ARHGAP24: variants seen among roughly 807,000 people sequenced by gnomAD.
The protein encoded by ARHGAP24 is rho GTPase-activating protein 24.
Under a neutral mutation model 76.4 loss-of-function variants are expected in ARHGAP24, and 50 were observed. That is an observed-to-expected ratio of 0.65 (90% CI 0.52 to 0.83). The LOEUF (loss-of-function observed/expected upper bound fraction) is 0.83, where lower values mean the gene tolerates loss of function less well. ARHGAP24 is among the 40% of genes least tolerant of loss of function. The probability of loss-of-function intolerance (pLI) is 0.00; values close to 1 mark genes in which losing one functional copy is unlikely to be tolerated. For missense variants in ARHGAP24, 930 were observed against 914.2 expected (o/e 1.02, Z -0.22); for synonymous variants, 345 against 323.3 (o/e 1.07, Z -0.72).
intron 1 of ARHGAP24, among the ~76,000 whole-genome samples, chr4:85,568,310 C>CCG (rs1226550528): frequency 4.1e-5 from 3 of 72,942 alleles, no homozygotes; most frequent in African/African-American, 1.7e-4. Context: ...ATGTTTGTTG[C>CCG]GGGGGGGAGG....
intron 2 of ARHGAP24, among the ~76,000 whole-genome samples, chr4:85,599,535 A>C (rs1344541721): frequency 6.6e-6 from 1 of 152,136 alleles, no homozygotes. Flanking sequence ...TGATTTGTTT[A>C]CCCAGGTGAC....
rs111869004 is a variant in ARHGAP24, at chr4:85,849,887, G to A, written c.269-73761G>A. On this transcript the variant is annotated intron_variant, in intron 3 of 9. Transcript: ENST00000395184. ...GAGGATTTTTGCATCGATGTTCATC[G>A]GGGATATTGGTCTAAAATACTCTTT... 7.5e-3 allele frequency among the ~76,000 whole-genome samples: 1,146 copies of A among 152,102 alleles called. 11 individuals carry two copies. The highest frequency in any genetic ancestry group is 0.026 in the African/African-American group (1,078 of 41,482).
intron 5 of ARHGAP24, among the ~76,000 whole-genome samples, chr4:85,948,701 T>TA (rs1737425561): frequency 6.6e-6 from 1 of 152,140 alleles, no homozygotes; most frequent in Non-Finnish European, 1.5e-5. Flanking sequence ...GAAGAAATCA[T>TA]AAAAAAAGGT....
chr4:85,896,427 C>T (rs1459754829), intron 3 of ARHGAP24, among the ~76,000 whole-genome samples: 1 of 152,190 alleles, frequency 6.6e-6, no homozygotes, highest in African/African-American at 2.4e-5. Context: ...ACCTTTTCTG[C>T]AATCCCATGC....
At chr4:85,689,448 G>A (rs1257453051) in intron 2 of ARHGAP24, among the ~76,000 whole-genome samples, 1 of 152,066 alleles carries the variant, frequency 6.6e-6, no homozygotes, top group Admixed American at 6.5e-5. Flanking sequence ...ATGCAGTGGT[G>A]CAATCTCAGC....
chr4:85,867,898 C>CATATATATATATATATATATATATATAT (rs113874290), intron 3 of ARHGAP24, among the ~76,000 whole-genome samples: 7 of 106,724 alleles, frequency 6.6e-5, no homozygotes, highest in Non-Finnish European at 1.2e-4. Flanking sequence ...TGTGTGTGTA[C>CATATATATATATATATATATATATATAT]ATATATATAT....
chr4:85,833,420 T>C (rs761853977), intron 3 of ARHGAP24, among the ~76,000 whole-genome samples: 143 of 152,320 alleles, frequency 9.4e-4, no homozygotes, highest in Non-Finnish European at 1.6e-3. Flanking sequence ...GTTAATTTCT[T>C]TATCCTGGGA....
At chr4:85,503,327 G>A (rs1560511422) in intron 1 of ARHGAP24, among the ~76,000 whole-genome samples, 1 of 152,130 alleles carries the variant, frequency 6.6e-6, no homozygotes, top group Non-Finnish European at 1.5e-5. Context: ...ATAGAATTCG[G>A]CTATAAATCC....
intron 1 of ARHGAP24, among the ~76,000 whole-genome samples, chr4:85,496,662 G>A (rs1723596597): frequency 6.6e-6 from 1 of 152,144 alleles, no homozygotes; most frequent in Non-Finnish European, 1.5e-5. Context: ...CATGTAGCAA[G>A]CTCCCGGGTA....
chr4:85,886,274 A>G (rs925921822), intron 3 of ARHGAP24, among the ~76,000 whole-genome samples: 2 of 152,146 alleles, frequency 1.3e-5, no homozygotes, highest in Non-Finnish European at 2.9e-5. Flanking sequence ...ATCATACAAC[A>G]ACGTTACCAT....
intron 2 of ARHGAP24, among the ~76,000 whole-genome samples, chr4:85,669,689 ATATG>A (rs1235873538): frequency 1.9e-4 from 16 of 84,152 alleles, no homozygotes; most frequent in Non-Finnish European, 4.0e-4. Flanking sequence ...ATATATATAT[ATATG>A]TGATATATAT....
chr4:85,507,889 T>G (rs537999790), intron 1 of ARHGAP24, among the ~76,000 whole-genome samples: 1 of 152,322 alleles, frequency 6.6e-6, no homozygotes, highest in South Asian at 2.1e-4. Context: ...TTGTGACCTT[T>G]TTTTTTAATC....
At chr4:85,569,502 T>C (rs1460787276) in intron 1 of ARHGAP24, among the ~76,000 whole-genome samples, 3 of 152,208 alleles carry the variant, frequency 2.0e-5, no homozygotes, top group Non-Finnish European at 4.4e-5. Context: ...TGTTGGTTAA[T>C]ATTTTTCCAA....
intron 3 of ARHGAP24, among the ~76,000 whole-genome samples, chr4:85,802,064 A>G (rs12499386): frequency 0.08 from 12,177 of 152,316 alleles, 780 homozygotes; most frequent in East Asian, 0.29. Flanking sequence ...CTATTTTATA[A>G]TGAAGTGAAT....
intron 5 of ARHGAP24, among the ~76,000 whole-genome samples, chr4:85,957,178 C>T (rs1320330767): frequency 6.6e-6 from 1 of 152,158 alleles, no homozygotes; most frequent in African/African-American, 2.4e-5. Flanking sequence ...TCCAGCTAGT[C>T]CTGTCTCTCA....
chr4:85,755,702 G>A (rs541087653), intron 3 of ARHGAP24, among the ~76,000 whole-genome samples: 2 of 144,456 alleles, frequency 1.4e-5, no homozygotes, highest in South Asian at 2.2e-4. Flanking sequence ...GCGTGATCTC[G>A]GCTCACTACA....
At chr4:85,858,847 C>G (rs1167997125) in intron 3 of ARHGAP24, among the ~76,000 whole-genome samples, 2 of 151,524 alleles carry the variant, frequency 1.3e-5, no homozygotes, top group African/African-American at 4.9e-5. Context: ...AAAGGTATAT[C>G]TGGTAGTAAT....
chr4:85,729,137 T>A (rs958631026), intron 3 of ARHGAP24, among the ~76,000 whole-genome samples: 15 of 152,298 alleles, frequency 9.8e-5, no homozygotes, highest in African/African-American at 3.6e-4. Flanking sequence ...TTTTTTTGTC[T>A]GCCTAAGTCT....
chr4:85,888,286 G>C (rs1733684854), intron 3 of ARHGAP24, among the ~76,000 whole-genome samples: 1 of 151,646 alleles, frequency 6.6e-6, no homozygotes, highest in Non-Finnish European at 1.5e-5. Flanking sequence ...TTGTAATCCG[G>C]CTACTTGGGA....
Sources: gnomAD v4.1 joint callset for allele counts (sites outside exome capture counted in the v4.1 genomes callset) on GRCh38, gnomAD v4.1.1 for gene constraint, MANE v1.5 for transcripts, NCBI Gene and HGNC (gene_info 2026-07-23, HGNC 2026-07-21) for gene names.